Variants in RUNX1 observed in about 807,000 individuals in gnomAD.
The protein encoded by RUNX1 is runt-related transcription factor 1.
A neutral mutation model predicts 42.8 loss-of-function variants in RUNX1; 19 were observed. The ratio of observed to expected loss-of-function variants is 0.44; its 90% CI spans 0.31 to 0.65. The LOEUF (loss-of-function observed/expected upper bound fraction) is 0.65. Among genes scored for constraint, RUNX1 ranks in the 30% least tolerant of loss-of-function variants. The pLI is 0.07. For synonymous variants in RUNX1, 271 were observed against 289.4 expected, an observed-to-expected ratio of 0.94 and a Z score of 0.64; for missense variants, 528 against 672.0, an observed-to-expected ratio of 0.79 and a Z score of 2.37.
intron 6 of RUNX1, 162 bp downstream of exon 6, chr21:34,859,312 T>C (rs778464115): frequency 4.6e-6 from 3 of 650,786 alleles, no homozygotes; most frequent in Admixed American, 2.6e-5. Context: ...AAGCTTTGAG[T>C]AGCGAGAGTA....
intron 7 of RUNX1, among the ~76,000 whole-genome samples, chr21:34,811,598 G>C (rs1055822733): frequency 1.3e-5 from 2 of 152,132 alleles, no homozygotes; most frequent in African/African-American, 4.8e-5. Context: ...TTTACAACTA[G>C]GAAGTCTCTG....
At chr21:34,853,123 G>A (rs2057447342) in intron 6 of RUNX1, among the ~76,000 whole-genome samples, 1 of 152,196 alleles carries the variant, frequency 6.6e-6, no homozygotes, top group African/African-American at 2.4e-5. Flanking sequence ...AGAGGTCTAT[G>A]TTGTACAACA....
At chr21:34,848,914 A>T (rs945210808) in intron 6 of RUNX1, among the ~76,000 whole-genome samples, 7 of 152,074 alleles carry the variant, frequency 4.6e-5, no homozygotes, top group African/African-American at 1.7e-4. Flanking sequence ...AAGGGCCATA[A>T]ATCTATGTAG....
chr21:34,892,850 C>T (rs941604802), intron 3 of RUNX1, 75 bp downstream of exon 3: 2 of 864,206 alleles, frequency 2.3e-6, no homozygotes, highest in Non-Finnish European at 1.9e-6. Context: ...CATAGAGATA[C>T]ATAGATATAA....
intron 5 of RUNX1, among the ~76,000 whole-genome samples, chr21:34,874,487 T>C (rs181521776): frequency 1.5e-3 from 232 of 151,250 alleles, no homozygotes; most frequent in African/African-American, 5.1e-3. Flanking sequence ...TGGATGCCTG[T>C]AATCCCCAGC....
At chr21:34,820,554 G>A (rs1020596811) in intron 7 of RUNX1, among the ~76,000 whole-genome samples, 12 of 151,660 alleles carry the variant, frequency 7.9e-5, no homozygotes, top group African/African-American at 2.7e-4. Context: ...CTGTAATCCC[G>A]GCTACTCGGG....
At chr21:35,011,502 T>C (rs369204593) in intron 2 of RUNX1, among the ~76,000 whole-genome samples, 2 of 152,164 alleles carry the variant, frequency 1.3e-5, no homozygotes, top group African/African-American at 4.8e-5. Context: ...CCTCCGTGGG[T>C]TGAAACAGAA....
At chr21:34,830,558 GC>G (rs2057049400) in intron 7 of RUNX1, among the ~76,000 whole-genome samples, 3 of 152,166 alleles carry the variant, frequency 2.0e-5, no homozygotes, top group Admixed American at 2.0e-4. Context: ...ACACTGGTCA[GC>G]CCTGTAGTAA....
intron 7 of RUNX1, among the ~76,000 whole-genome samples, chr21:34,801,139 A>G (rs1204560019): frequency 5.3e-5 from 8 of 152,040 alleles, no homozygotes; most frequent in Admixed American, 5.2e-4. Context: ...GATATTTTGT[A>G]TAAGACATGC....
intron 7 of RUNX1, among the ~76,000 whole-genome samples, chr21:34,824,197 A>G (rs2056953575): frequency 6.6e-6 from 1 of 152,156 alleles, no homozygotes. Context: ...CATGCCATTT[A>G]GGGGAGCGTG....
At chr21:34,881,095 A>G (rs1037564849) in intron 4 of RUNX1, among the ~76,000 whole-genome samples, 1 of 152,184 alleles carries the variant, frequency 6.6e-6, no homozygotes, top group Non-Finnish European at 1.5e-5. Context: ...AACCATAGCA[A>G]GATATCAAGG....
chr21:34,852,782 G>A (rs1003221432), intron 6 of RUNX1, among the ~76,000 whole-genome samples: 14 of 151,880 alleles, frequency 9.2e-5, no homozygotes, highest in South Asian at 2.1e-4. Flanking sequence ...AAGAACTAAA[G>A]TCCAAGTCCA....
At chr21:34,900,398 G>A (rs2058167660) in intron 2 of RUNX1, among the ~76,000 whole-genome samples, 1 of 152,184 alleles carries the variant, frequency 6.6e-6, no homozygotes, top group Non-Finnish European at 1.5e-5. Flanking sequence ...TTTGCTACTA[G>A]TCTGCTAGTG....
At chr21:34,974,510 C>T (rs185169612) in intron 2 of RUNX1, among the ~76,000 whole-genome samples, 1 of 152,182 alleles carries the variant, frequency 6.6e-6, no homozygotes, top group Non-Finnish European at 1.5e-5. Flanking sequence ...TTTGGCTGGA[C>T]CTTGTTTTAC....
chr21:34,943,805 A>G (rs1244831296), intron 2 of RUNX1, among the ~76,000 whole-genome samples: 2 of 152,240 alleles, frequency 1.3e-5, no homozygotes, highest in Non-Finnish European at 2.9e-5. Context: ...ATCCTCCTAC[A>G]CAAATGTTGA....
chr21:35,002,009 A>T (rs1267893752), intron 2 of RUNX1, among the ~76,000 whole-genome samples: 1 of 152,176 alleles, frequency 6.6e-6, no homozygotes, highest in East Asian at 1.9e-4. Flanking sequence ...ATAAATGAAA[A>T]GGCACCTCAT....
At chr21:34,820,591 C>T (rs953861396) in intron 7 of RUNX1, among the ~76,000 whole-genome samples, 6 of 151,804 alleles carry the variant, frequency 4.0e-5, no homozygotes, top group Non-Finnish European at 7.4e-5. Flanking sequence ...ATCCCCTGAA[C>T]CCGGGAGGTA....
intron 2 of RUNX1, among the ~76,000 whole-genome samples, chr21:35,000,236 C>CTTTTTTTTTTTTT (rs397866864): frequency 9.0e-6 from 1 of 110,970 alleles, no homozygotes; most frequent in Non-Finnish European, 1.9e-5. Flanking sequence ...TTCTTTCTTT[C>CTTTTTTTTTTTTT]TTTTTTTTTT....
At chr21:34,830,419 G>C (rs770378940) in intron 7 of RUNX1, among the ~76,000 whole-genome samples, 2 of 152,174 alleles carry the variant, frequency 1.3e-5, no homozygotes, top group Admixed American at 6.5e-5. Context: ...CCACCACACA[G>C]CCTGGCCCCA....
Sources: allele counts gnomAD v4.1 joint callset (sites outside exome capture counted in the v4.1 genomes callset), GRCh38; gene constraint gnomAD v4.1.1; transcripts MANE v1.5; gene names NCBI Gene and HGNC (gene_info 2026-07-23, HGNC 2026-07-21).